Variants in RAPGEF2 observed in about 807,000 individuals in gnomAD.
RAPGEF2 encodes Rap guanine nucleotide exchange factor 2.
RAPGEF2 carries 54 observed loss-of-function variants against 186.7 expected under a neutral mutation model. The ratio of observed to expected loss-of-function variants is 0.29; its 90% CI spans 0.23 to 0.36. The LOEUF (loss-of-function observed/expected upper bound fraction) is 0.36, where lower values mean the gene tolerates loss of function less well. Ranked by LOEUF, RAPGEF2 falls within the 10% of genes least tolerant of loss-of-function variation. The pLI, the probability that RAPGEF2 is intolerant of heterozygous loss-of-function variation, is 1.00. For synonymous variants in RAPGEF2, 712 were observed against 705.9 expected, an observed-to-expected ratio of 1.01 and a Z score of -0.14; for missense variants, 1,532 against 2,045.0, an observed-to-expected ratio of 0.75 and a Z score of 4.84.
intron 1 of RAPGEF2, among the ~76,000 whole-genome samples, chr4:159,150,745 A>G (rs1044400535): frequency 6.6e-6 from 1 of 152,234 alleles, no homozygotes; most frequent in Non-Finnish European, 1.5e-5. Context: ...CGAGTTACAA[A>G]TAAATTTTAG....
intron 7 of RAPGEF2, among the ~76,000 whole-genome samples, chr4:159,273,553 A>G (rs972901668): frequency 1.3e-5 from 2 of 152,214 alleles, no homozygotes; most frequent in African/African-American, 4.8e-5. Context: ...AGAAAAAGCA[A>G]ATGCTCAAAA....
chr4:159,149,087 C>G (rs1039775093), intron 1 of RAPGEF2, among the ~76,000 whole-genome samples: 1 of 152,162 alleles, frequency 6.6e-6, no homozygotes, highest in Non-Finnish European at 1.5e-5. Flanking sequence ...CTAAGCCACC[C>G]TTTTGCATAG....
Position 159,125,974 on chromosome 4 carries a change from G to C in RAPGEF2, c.69+21743G>C, listed in dbSNP as rs575966127. On this transcript the variant is annotated intron_variant, in intron 1 of 29. Coordinates refer to ENST00000691494, the MANE Select transcript of RAPGEF2 (RefSeq NM_001394067.2). ...TGCCAGTGATGTTAAGTATAACTTT[G>C]TAGAAAAATGCTAATGAAAAACTTA... 8.9e-4 allele frequency among the ~76,000 whole-genome samples: 136 copies of C among 152,208 alleles called. No individual in the cohort carries two copies. In the Middle Eastern group the frequency reaches 0.024, roughly 27 times the overall value.
chr4:159,299,568 A>G (rs1762411551), intron 7 of RAPGEF2, among the ~76,000 whole-genome samples: 1 of 152,130 alleles, frequency 6.6e-6, no homozygotes, highest in Non-Finnish European at 1.5e-5. Context: ...GAAAGGAAGA[A>G]GAAGGGCAGC....
At chr4:159,226,606 A>G (rs1752059912) in intron 4 of RAPGEF2, among the ~76,000 whole-genome samples, 1 of 151,702 alleles carries the variant, frequency 6.6e-6, no homozygotes, top group South Asian at 2.1e-4. Flanking sequence ...CAAACCGCGA[A>G]CTCTTTCTCC....
chr4:159,284,770 A>G (rs1394238486), intron 7 of RAPGEF2, among the ~76,000 whole-genome samples: 2 of 152,202 alleles, frequency 1.3e-5, no homozygotes, highest in African/African-American at 4.8e-5. Flanking sequence ...TTACTCTTCT[A>G]CCTGGGTGCG....
intron 9 of RAPGEF2, among the ~76,000 whole-genome samples, chr4:159,315,475 C>T (rs912528839): frequency 3.3e-5 from 5 of 151,810 alleles, no homozygotes; most frequent in African/African-American, 7.2e-5. Flanking sequence ...TGTGCAGAGA[C>T]GAGAGAGTGT....
intron 4 of RAPGEF2, among the ~76,000 whole-genome samples, chr4:159,226,266 T>A (rs757673233): frequency 6.6e-6 from 1 of 152,204 alleles, no homozygotes; most frequent in Non-Finnish European, 1.5e-5. Flanking sequence ...TGCCTTGGCA[T>A]GTTTGTTTAA....
intron 5 of RAPGEF2, 56 bp from the exon 6 acceptor site, chr4:159,241,143 AAT>A: frequency 1.5e-6 from 2 of 1,295,030 alleles, no homozygotes; most frequent in Non-Finnish European, 2.0e-6. Context: ...TTCTGTATCT[AAT>A]ATTAATAGGA....
intron 3 of RAPGEF2, among the ~76,000 whole-genome samples, chr4:159,206,548 A>G (rs7686389): frequency 0.33 from 49,777 of 152,084 alleles, 8,413 homozygotes; most frequent in Non-Finnish European, 0.37. Context: ...TTTTCTTAAA[A>G]AAACCATCAC....
chr4:159,282,342 C>G (rs1759829945), intron 7 of RAPGEF2, among the ~76,000 whole-genome samples: 1 of 152,140 alleles, frequency 6.6e-6, no homozygotes, highest in South Asian at 2.1e-4. Context: ...CATAAAAGAT[C>G]ATAATTGATA....
At chr4:159,297,789 C>T (rs1354034460) in intron 7 of RAPGEF2, among the ~76,000 whole-genome samples, 3 of 152,006 alleles carry the variant, frequency 2.0e-5, no homozygotes, top group South Asian at 2.1e-4. Context: ...GGAAAAATGA[C>T]AGAAGAAATG....
At chr4:159,297,570 G>A (rs1762173808) in intron 7 of RAPGEF2, among the ~76,000 whole-genome samples, 1 of 152,086 alleles carries the variant, frequency 6.6e-6, no homozygotes, top group Non-Finnish European at 1.5e-5. Context: ...ATGTATTATG[G>A]TATTCTAAGC....
chr4:159,291,247 T>C (rs751466250), intron 7 of RAPGEF2, among the ~76,000 whole-genome samples: 26 of 152,218 alleles, frequency 1.7e-4, no homozygotes, highest in Non-Finnish European at 3.2e-4. Context: ...GGTAGTTTCC[T>C]GTGTATGTGT....
At chr4:159,152,204 C>G (rs1194529237) in intron 1 of RAPGEF2, among the ~76,000 whole-genome samples, 4 of 152,040 alleles carry the variant, frequency 2.6e-5, no homozygotes, top group African/African-American at 9.7e-5. Context: ...CGCCTGTAGT[C>G]CTGCTGTTTG....
At chr4:159,310,537 A>T (rs548930344) in intron 8 of RAPGEF2, among the ~76,000 whole-genome samples, 4 of 152,124 alleles carry the variant, frequency 2.6e-5, no homozygotes, top group Non-Finnish European at 5.9e-5. Context: ...TGTAAAATAA[A>T]TTGGTTTTAA....
intron 1 of RAPGEF2, among the ~76,000 whole-genome samples, chr4:159,186,119 G>A (rs1747528060): frequency 6.6e-6 from 1 of 150,992 alleles, no homozygotes; most frequent in Non-Finnish European, 1.5e-5. Flanking sequence ...AACAAGGCAC[G>A]TTTTCTTTTT....
At position 159,103,253 on chromosome 4, in the gene RAPGEF2, T is replaced by A. The variant is rs2111032468; in HGVS notation, c.-910T>A. On this transcript the variant is annotated 5_prime_UTR_variant, in exon 1 of 30. Transcript: ENST00000691494. Reference sequence around the variant, plus strand: ...ACCCGGGCTGTCCGCGGCCCCCTCTTCCCCCTCCTCCGCCCCGCGCAGACG... The same window carrying A: ...ACCCGGGCTGTCCGCGGCCCCCTCTACCCCCTCCTCCGCCCCGCGCAGACG... 6.6e-6 allele frequency: 1 copy of A among 151,822 alleles called. No homozygotes were observed. Among genetic ancestry groups the A allele is most frequent in the African/African-American group, 2.4e-5 (1 of 41,472 alleles). 9.4% of individuals were successfully genotyped at this position (151,822 alleles called of 1,614,324 possible). A position where few individuals can be genotyped will look rare whatever the true frequency, so the allele number is the denominator to read the frequency against.
chr4:159,241,373 GT>G lies in RAPGEF2; in HGVS notation c.525+7del. ...TTGCCTAGAGGCTATCACACGGTAA[GT>G]TATACAAGTATAATATTTTTATTTA... On this transcript the variant is annotated splice_donor_region_variant and intron_variant, in intron 6 of 29. Transcript: ENST00000691494. 7.2e-7 allele frequency: 1 copy of G among 1,385,418 alleles called. No homozygotes were observed. 85.8% of individuals were successfully genotyped at this position (1,385,418 alleles called of 1,614,324 possible).
Sources: gnomAD v4.1 joint callset for allele counts (sites outside exome capture counted in the v4.1 genomes callset) on GRCh38, gnomAD v4.1.1 for gene constraint, MANE v1.5 for transcripts, NCBI Gene and HGNC (gene_info 2026-07-23, HGNC 2026-07-21) for gene names.